CDK14: variants seen among roughly 807,000 people sequenced by gnomAD.
The protein encoded by CDK14 is cyclin dependent kinase 14.
Under a neutral mutation model 60.7 loss-of-function variants are expected in CDK14, and 34 were observed. The observed-to-expected ratio is 0.56, with a 90% CI of 0.43 to 0.75. The LOEUF (loss-of-function observed/expected upper bound fraction) is 0.75, where lower values mean the gene tolerates loss of function less well. Ranked by LOEUF, CDK14 falls within the 30% of genes least tolerant of loss-of-function variation. The pLI, the probability that CDK14 is intolerant of heterozygous loss-of-function variation, is 0.00. For missense variants in CDK14, 482 were observed against 564.1 expected, an observed-to-expected ratio of 0.85 and a Z score of 1.47; for synonymous variants, 197 against 203.7, an observed-to-expected ratio of 0.97 and a Z score of 0.28.
At chr7:90,711,219 G>A (rs997344644) in intron 2 of CDK14, among the ~76,000 whole-genome samples, 2 of 152,020 alleles carry the variant, frequency 1.3e-5, no homozygotes, top group African/African-American at 2.4e-5. Flanking sequence ...ATGGGTAACT[G>A]TTGTGGTTCA....
chr7:90,663,133 C>T (rs1213472432), intron 2 of CDK14, among the ~76,000 whole-genome samples: 3 of 149,064 alleles, frequency 2.0e-5, no homozygotes, highest in African/African-American at 5.0e-5. Flanking sequence ...CACACACACA[C>T]GTAGAGTTCT....
chr7:91,087,210 A>C (rs1039922381), intron 12 of CDK14, among the ~76,000 whole-genome samples: 1 of 152,184 alleles, frequency 6.6e-6, no homozygotes, highest in Admixed American at 6.5e-5. Flanking sequence ...ACTTTATAAT[A>C]CTGGGGCTCA....
intron 14 of CDK14, among the ~76,000 whole-genome samples, chr7:91,167,742 G>A (rs185621318): frequency 1.1e-3 from 170 of 152,236 alleles, no homozygotes; most frequent in Middle Eastern, 6.8e-3. Flanking sequence ...GTGAATGCTA[G>A]GTTTGCCATT....
At chr7:90,973,726 A>AG (rs67669507) in intron 9 of CDK14, among the ~76,000 whole-genome samples, 110,524 of 151,414 alleles carry the variant, frequency 0.73, 40,444 homozygotes, top group East Asian at 0.77. Flanking sequence ...AAAACCAGCA[A>AG]TTTTTTTTAG....
intron 11 of CDK14, among the ~76,000 whole-genome samples, chr7:91,074,773 G>A (rs1040194148): frequency 1.3e-5 from 2 of 151,640 alleles, no homozygotes; most frequent in Admixed American, 1.3e-4. Context: ...AAAGAGAGAA[G>A]AATCAAATAG....
chr7:90,883,432 G>C (rs997536405), intron 6 of CDK14, among the ~76,000 whole-genome samples: 2 of 152,128 alleles, frequency 1.3e-5, no homozygotes, highest in Non-Finnish European at 2.9e-5. Flanking sequence ...CCAATAACAA[G>C]TTCTGAAATT....
intron 10 of CDK14, 81 bp from the exon 11 acceptor site, chr7:91,045,816 T>C: frequency 7.2e-6 from 6 of 836,680 alleles, no homozygotes; most frequent in East Asian, 2.4e-5. Context: ...TAATATGTAG[T>C]GTACTATTTT....
At chr7:91,090,996 TTGTGTGTG>T (rs4015335) in intron 12 of CDK14, among the ~76,000 whole-genome samples, 2 of 150,254 alleles carry the variant, frequency 1.3e-5, no homozygotes, top group South Asian at 2.1e-4. Flanking sequence ...TTGGTTTTGT[TTGTGTGTG>T]TGTGTGTGTG....
chr7:90,627,195 G>C (rs1055708494), intron 2 of CDK14, among the ~76,000 whole-genome samples: 3 of 151,884 alleles, frequency 2.0e-5, no homozygotes, highest in Non-Finnish European at 4.4e-5. Context: ...CATGTGGCTA[G>C]TGGCTACTAT....
At chr7:90,902,130 T>C (rs1377440918) in intron 7 of CDK14, among the ~76,000 whole-genome samples, 1 of 152,072 alleles carries the variant, frequency 6.6e-6, no homozygotes, top group Non-Finnish European at 1.5e-5. Flanking sequence ...CATCCTATGA[T>C]CATGGATTAG....
At chr7:91,194,332 G>C (rs1450283044) in intron 14 of CDK14, among the ~76,000 whole-genome samples, 1 of 152,036 alleles carries the variant, frequency 6.6e-6, no homozygotes, top group Non-Finnish European at 1.5e-5. Context: ...AGCATTTCAG[G>C]CTCATGCTCA....
intron 2 of CDK14, among the ~76,000 whole-genome samples, chr7:90,655,151 A>G (rs1179752038): frequency 6.6e-6 from 1 of 152,150 alleles, no homozygotes; most frequent in Non-Finnish European, 1.5e-5. Context: ...ATGTCTTTCC[A>G]TGGCTTGACA....
At chr7:91,068,781 A>G (rs928604407) in intron 11 of CDK14, among the ~76,000 whole-genome samples, 1 of 148,274 alleles carries the variant, frequency 6.7e-6, no homozygotes, top group Non-Finnish European at 1.5e-5. Flanking sequence ...TACTTTCCAA[A>G]TAGAAGCCAG....
chr7:91,034,624 T>C (rs956216656), intron 10 of CDK14, among the ~76,000 whole-genome samples: 12 of 152,284 alleles, frequency 7.9e-5, no homozygotes, highest in African/African-American at 2.9e-4. Flanking sequence ...TGAAGCTGCT[T>C]TCTGAAGCCC....
intron 4 of CDK14, among the ~76,000 whole-genome samples, chr7:90,787,559 T>C (rs1379891199): frequency 6.6e-6 from 1 of 152,188 alleles, no homozygotes; most frequent in African/African-American, 2.4e-5. Flanking sequence ...AATGTTAGTA[T>C]ACTATTATAA....
At chr7:90,766,719 C>T (rs548013078) in intron 4 of CDK14, among the ~76,000 whole-genome samples, 7 of 152,236 alleles carry the variant, frequency 4.6e-5, no homozygotes, top group South Asian at 2.1e-4. Flanking sequence ...AGCCGAGGTC[C>T]GAGGGGAGTG....
intron 2 of CDK14, among the ~76,000 whole-genome samples, chr7:90,607,196 A>G (rs1799436490): frequency 6.6e-6 from 1 of 152,222 alleles, no homozygotes; most frequent in South Asian, 2.1e-4. Context: ...TCATTTTCAG[A>G]TTATAATAGT....
chr7:90,713,636 T>TC (rs971092026), intron 2 of CDK14, among the ~76,000 whole-genome samples: 2 of 151,344 alleles, frequency 1.3e-5, no homozygotes, highest in African/African-American at 4.9e-5. Context: ...ACTTTTTTTT[T>TC]TTTTTTTTCA....
chr7:91,146,687 G>A (rs1800649380), intron 14 of CDK14, among the ~76,000 whole-genome samples: 1 of 152,168 alleles, frequency 6.6e-6, no homozygotes, highest in South Asian at 2.1e-4. Context: ...ATTTGACACA[G>A]CAAAGACATA....
Sources: gnomAD v4.1 joint callset for allele counts (sites outside exome capture counted in the v4.1 genomes callset) on GRCh38, gnomAD v4.1.1 for gene constraint, MANE v1.5 for transcripts, NCBI Gene and HGNC (gene_info 2026-07-23, HGNC 2026-07-21) for gene names.